The following MEGF9 variants were observed in gnomAD, a reference collection of about 807,000 sequenced individuals.
The protein encoded by MEGF9 is multiple EGF like domains 9.
Under a neutral mutation model 46.8 loss-of-function variants are expected in MEGF9, and 6 were observed. The ratio of observed to expected loss-of-function variants is 0.13; its 90% confidence interval spans 0.07 to 0.25. The LOEUF (loss-of-function observed/expected upper bound fraction) is 0.25, where lower values mean the gene tolerates loss of function less well. Ranked by LOEUF, MEGF9 falls within the 10% of genes least tolerant of loss-of-function variation. The pLI is 1.00. For missense variants in MEGF9, 683 were observed against 792.4 expected, an observed-to-expected ratio of 0.86 and a Z score of 1.66; for synonymous variants, 302 against 330.7, an observed-to-expected ratio of 0.91 and a Z score of 0.94.
At chr9:120,616,454 C>T (rs948902564) in intron 3 of MEGF9, among the ~76,000 whole-genome samples, 2 of 151,756 alleles carry the variant, frequency 1.3e-5, no homozygotes, top group African/African-American at 4.8e-5. Flanking sequence ...CCGAGGCGGT[C>T]GGATCACGAG....
intron 1 of MEGF9, among the ~76,000 whole-genome samples, chr9:120,673,176 C>T (rs750253190): frequency 2.6e-5 from 4 of 152,036 alleles, no homozygotes; most frequent in East Asian, 1.9e-4. Flanking sequence ...ACAAAATTAA[C>T]GTGTATGACC....
intron 3 of MEGF9, among the ~76,000 whole-genome samples, chr9:120,613,237 G>A (rs756358306): frequency 3.3e-5 from 5 of 151,954 alleles, no homozygotes; most frequent in Non-Finnish European, 7.4e-5. Flanking sequence ...CACACTAAGC[G>A]CACTAAGCAA....
In MEGF9 at chr9:120,604,399, CAT is replaced by C. The variant is rs1161056726; in HGVS notation, c.*789_*790del. The C allele has an allele frequency of 3.9e-5, 6 of 152,408 alleles. No homozygotes were observed. Among genetic ancestry groups the C allele is most frequent in the Admixed American group, 6.5e-5 (1 of 15,270 alleles). The allele number at this position is 152,408 out of a possible 1,614,324, so 9.4% of individuals were successfully genotyped here. On this transcript the variant is annotated 3_prime_UTR_variant, in exon 6 of 6. Transcript: ENST00000373930. ...ATAAATTCCAGATGATAAAATATGA[CAT>C]GATTTTTTTTTTACAAATAGATACA...
At chr9:120,712,250 C>G (rs1045054731) in intron 1 of MEGF9, among the ~76,000 whole-genome samples, 9 of 151,994 alleles carry the variant, frequency 5.9e-5, no homozygotes, top group Non-Finnish European at 1.0e-4. Context: ...AGAGCCAGAC[C>G]CTGTCTCAAA....
chr9:120,667,576 A>C (rs556866657), intron 1 of MEGF9, among the ~76,000 whole-genome samples: 9 of 152,218 alleles, frequency 5.9e-5, no homozygotes, highest in Non-Finnish European at 4.4e-5. Context: ...AATCTATCCA[A>C]CAAAGAACTT....
chr9:120,700,736 GA>G (rs1403218838), intron 1 of MEGF9, among the ~76,000 whole-genome samples: 16 of 151,726 alleles, frequency 1.1e-4, no homozygotes, highest in Non-Finnish European at 2.2e-4. Context: ...CCTTCAGAGT[GA>G]ATAACATCTA....
At chr9:120,657,909 C>T (rs1042961021) in intron 2 of MEGF9, among the ~76,000 whole-genome samples, 3 of 152,030 alleles carry the variant, frequency 2.0e-5, no homozygotes, top group African/African-American at 7.2e-5. Context: ...AGACAAATAA[C>T]TATTTTAAAA....
At chr9:120,636,357 T>C (rs114046660) in intron 2 of MEGF9, among the ~76,000 whole-genome samples, 2,020 of 152,314 alleles carry the variant, frequency 0.013, 45 homozygotes, top group African/African-American at 0.043. Flanking sequence ...TGCAGTGGTA[T>C]AGTCTTCATG....
chr9:120,696,143 G>A lies in MEGF9; in HGVS notation c.601+17615C>T, dbSNP rs149566441. Among the ~76,000 whole-genome samples, 10 of 152,290 alleles carry A rather than the reference G, an allele frequency of 6.6e-5. No individual in the cohort carries two copies. In the East Asian group the frequency reaches 7.7e-4, roughly 12 times the overall value. Reference sequence around the variant, plus strand: ...ACAACTGACTATTACCTCTAACTCCGTGGCCTGAATTTGGTACCTCTGGAG... The same window carrying A: ...ACAACTGACTATTACCTCTAACTCCATGGCCTGAATTTGGTACCTCTGGAG... On this transcript the variant is annotated intron_variant, in intron 1 of 5. Transcript: ENST00000373930.
intron 1 of MEGF9, among the ~76,000 whole-genome samples, chr9:120,666,073 G>T (rs73540322): frequency 0.061 from 9,214 of 152,098 alleles, 928 homozygotes; most frequent in African/African-American, 0.21. Flanking sequence ...TGCTTTGTCT[G>T]CTGTGATTCC....
At chr9:120,678,256 G>T (rs2043782460) in intron 1 of MEGF9, among the ~76,000 whole-genome samples, 1 of 152,106 alleles carries the variant, frequency 6.6e-6, no homozygotes, top group Non-Finnish European at 1.5e-5. Flanking sequence ...AACAAACATG[G>T]GAATGCAAAT....
Position 120,714,437 on chromosome 9 carries a change from A to G in MEGF9, c.-79T>C. The G allele has an allele frequency of 8.6e-7, 1 of 1,160,818 alleles. No homozygotes were observed. Among genetic ancestry groups the G allele is most frequent in the Non-Finnish European group, 1.1e-6 (1 of 921,754 alleles). 71.9% of individuals were successfully genotyped at this position (1,160,818 alleles called of 1,614,324 possible). On this transcript the variant is annotated 5_prime_UTR_variant, in exon 1 of 6. Coordinates refer to ENST00000373930, the MANE Select transcript of MEGF9 (RefSeq NM_001080497.3). ...GGAAGCCTCCGCAACCGCCGCCGCCACCGCCACCGGGCGCACCATCGCCAC... is the reference window on the plus strand; with the variant it reads ...GGAAGCCTCCGCAACCGCCGCCGCCGCCGCCACCGGGCGCACCATCGCCAC...
chr9:120,660,155 T>G (rs1161968359), intron 1 of MEGF9, among the ~76,000 whole-genome samples: 1 of 152,134 alleles, frequency 6.6e-6, no homozygotes, highest in African/African-American at 2.4e-5. Flanking sequence ...ATTAAAATAT[T>G]TGGAAAATAA....
intron 1 of MEGF9, among the ~76,000 whole-genome samples, chr9:120,686,314 G>A (rs1024121904): frequency 2.6e-5 from 4 of 152,064 alleles, no homozygotes; most frequent in African/African-American, 7.2e-5. Context: ...TCCTAACCTC[G>A]TGATCCGCCT....
At position 120,605,481 on chromosome 9, in the gene MEGF9, A is replaced by C. The variant is rs1033696039; in HGVS notation, c.1518T>G (p.Ala506=). The C allele has an allele frequency of 1.4e-5, 22 of 1,613,952 alleles. No homozygotes were observed. The highest frequency in any genetic ancestry group is 1.9e-5 in the Non-Finnish European group (22 of 1,179,912). ...TGTTAAATTGGGTCCATGATACATC[A>C]GCTAAAGCTGAAGTGCTGTTTTCAG... The part of the protein sequence containing the change: ...STSENSTSAL[A]DVSWTQFNII... Residue 506 remains alanine (A), a synonymous_variant, in exon 6 of 6, where the codon GCT becomes GCG. Coordinates refer to ENST00000373930, the MANE Select transcript of MEGF9 (RefSeq NM_001080497.3). The surrounding 1 kb of genome is among the most constrained non-coding windows in gnomAD (Gnocchi z 4.0).
intron 1 of MEGF9, among the ~76,000 whole-genome samples, chr9:120,700,645 A>G (rs1171998747): frequency 6.6e-6 from 1 of 152,078 alleles, no homozygotes; most frequent in Non-Finnish European, 1.5e-5. Context: ...CCCCCCCGTT[A>G]TTTCCAATAA....
rs144311973 is a variant in MEGF9 at position 120,711,266 on chromosome 9, T to G, written c.601+2492A>C. Among the ~76,000 whole-genome samples the G allele has an allele frequency of 7.0e-4, 106 of 152,318 alleles. 2 individuals carry two copies. In the East Asian group the frequency reaches 0.016, roughly 23 times the overall value. On this transcript the variant is annotated intron_variant, in intron 1 of 5. Transcript: ENST00000373930. ...TAAATAAGGGCTTGGTTAAATAAAT[T>G]ATGATACATTCTTACCCTGGAAAAT...
chr9:120,702,826 T>A (rs911654321), intron 1 of MEGF9, among the ~76,000 whole-genome samples: 1 of 152,192 alleles, frequency 6.6e-6, no homozygotes, highest in African/African-American at 2.4e-5. Flanking sequence ...CAAACACATC[T>A]GAGGAACCCT....
intron 3 of MEGF9, among the ~76,000 whole-genome samples, chr9:120,614,754 G>T (rs894285560): frequency 6.6e-6 from 1 of 150,902 alleles, no homozygotes; most frequent in African/African-American, 2.4e-5. Flanking sequence ...AAGAGAAAAA[G>T]TTCTGATAAA....
Sources: allele counts gnomAD v4.1 joint callset (sites outside exome capture counted in the v4.1 genomes callset), GRCh38; gene constraint gnomAD v4.1.1; non-coding constraint Gnocchi (gnomAD v3.1); transcripts MANE v1.5; gene names NCBI Gene and HGNC (gene_info 2026-07-23, HGNC 2026-07-21).